Variants in PHAX observed in about 807,000 individuals in gnomAD.
The protein encoded by PHAX is phosphorylated adapter RNA export protein.
In PHAX, 31 loss-of-function variants were observed where a neutral mutation model predicts 41.6. The ratio of observed to expected loss-of-function variants is 0.75; its 90% CI spans 0.56 to 1.01. The LOEUF (loss-of-function observed/expected upper bound fraction) is 1.01, where lower values mean the gene tolerates loss of function less well. Among genes scored for constraint, PHAX ranks in the 50% least tolerant of loss-of-function variants. The pLI is 0.00. For synonymous variants in PHAX, 175 were observed against 164.9 expected (o/e 1.06, Z -0.47); for missense variants, 453 against 472.9 (o/e 0.96, Z 0.39).
intron 4 of PHAX, among the ~76,000 whole-genome samples, chr5:126,623,220 C>T (rs1471528623): frequency 6.6e-6 from 1 of 151,928 alleles, no homozygotes; most frequent in Non-Finnish European, 1.5e-5. Flanking sequence ...TCCAGGAATT[C>T]GAGGCTGCAG....
At chr5:126,610,218 T>C (rs1439548626) in intron 3 of PHAX, among the ~76,000 whole-genome samples, 1 of 152,230 alleles carries the variant, frequency 6.6e-6, no homozygotes, top group African/African-American at 2.4e-5. Context: ...TGTTTCAGAA[T>C]GACAGAAAGA....
intron 4 of PHAX, among the ~76,000 whole-genome samples, chr5:126,623,063 T>C (rs986332951): frequency 6.6e-6 from 1 of 151,684 alleles, no homozygotes; most frequent in Admixed American, 6.6e-5. Flanking sequence ...GAAATGGAGA[T>C]TGCAGTGAGC....
chr5:126,617,441 T>C lies in PHAX; in HGVS notation c.915+108T>C, dbSNP rs997623897. 63 of 599,708 alleles carry C rather than the reference T, an allele frequency of 1.1e-4. No homozygotes were observed. In the African/African-American group the frequency reaches 1.1e-3, roughly 11 times the overall value. 37.1% of individuals were successfully genotyped at this position (599,708 alleles called of 1,614,324 possible). On this transcript the variant is annotated intron_variant, in intron 4 of 4. Transcript: ENST00000297540. The stretch of plus-strand genomic sequence containing the variant: ...ATTACCTGTTCTGCCTTCAGTGGAC[T>C]GATTTTGTTATTATCTTAAGTAACA...
intron 2 of PHAX, 91 bp downstream of exon 2, chr5:126,604,274 CTTTTTTTTTT>C (rs57270218): frequency 3.3e-5 from 21 of 645,878 alleles, no homozygotes; most frequent in Admixed American, 4.9e-5. Context: ...TGATATGTTC[CTTTTTTTTTT>C]TTTTTTTTTG....
chr5:126,602,231 G>C (rs541314963), intron 1 of PHAX, among the ~76,000 whole-genome samples: 50 of 152,204 alleles, frequency 3.3e-4, no homozygotes, highest in African/African-American at 1.1e-3. Flanking sequence ...ACAGGCGCGA[G>C]CCACCGCGCC....
intron 2 of PHAX, among the ~76,000 whole-genome samples, chr5:126,607,388 C>CTTTTTTTTTTTTTTTTTTTTTTTTTT (rs58375322): frequency 1.2e-5 from 1 of 85,404 alleles, no homozygotes; most frequent in African/African-American, 5.0e-5. Flanking sequence ...GGTCTGAATT[C>CTTTTTTTTTTTTTTTTTTTTTTTTTT]TTTTTTTTTT....
chr5:126,615,970 A>G (rs957283740), intron 3 of PHAX, among the ~76,000 whole-genome samples: 1 of 151,572 alleles, frequency 6.6e-6, no homozygotes, highest in African/African-American at 2.4e-5. Context: ...CCTTTGGAAT[A>G]TATCTTGGTA....
chr5:126,602,719 C>T (rs374448855), intron 1 of PHAX, among the ~76,000 whole-genome samples: 1 of 152,090 alleles, frequency 6.6e-6, no homozygotes, highest in Non-Finnish European at 1.5e-5. Flanking sequence ...AAATATCTTG[C>T]CCAGGCTGGG....
chr5:126,601,259 C>CCGAGGGG (rs961639450), intron 1 of PHAX, among the ~76,000 whole-genome samples: 1 of 151,992 alleles, frequency 6.6e-6, no homozygotes, highest in Non-Finnish European at 1.5e-5. Context: ...GCTGCGGGGG[C>CCGAGGGG]CGAGGGGCGA....
chr5:126,610,683 G>A lies in PHAX; in HGVS notation c.831+2199G>A, dbSNP rs78876652. ...ATGCAGATTTACTGAATATTGGGAA[G>A]ATGCAAGTTCAAATTTACTTTCTTA... On this transcript the variant is annotated intron_variant, in intron 3 of 4. Transcript: ENST00000297540. Among the ~76,000 whole-genome samples, 326 of 152,246 alleles carry A rather than the reference G, an allele frequency of 2.1e-3. 8 individuals are homozygous for A. The East Asian group carries it at 0.06, about 28-fold the overall frequency.
At chr5:126,613,233 C>A (rs1752133401) in intron 3 of PHAX, among the ~76,000 whole-genome samples, 1 of 152,066 alleles carries the variant, frequency 6.6e-6, no homozygotes, top group African/African-American at 2.4e-5. Context: ...CCTGTAATCA[C>A]AGGTGCTCGG....
At chr5:126,621,534 A>C (rs1752272112) in intron 4 of PHAX, among the ~76,000 whole-genome samples, 1 of 151,720 alleles carries the variant, frequency 6.6e-6, no homozygotes, top group South Asian at 2.1e-4. Flanking sequence ...CACCTAAATG[A>C]TGATGTTATA....
intron 3 of PHAX, 64 bp downstream of exon 3, chr5:126,608,548 A>G: frequency 7.3e-7 from 1 of 1,369,542 alleles, no homozygotes; most frequent in South Asian, 1.2e-5. Flanking sequence ...TTTGATTACA[A>G]ATTTAACTTT....
chr5:126,611,504 G>A (rs962516148), intron 3 of PHAX, among the ~76,000 whole-genome samples: 2 of 152,116 alleles, frequency 1.3e-5, no homozygotes, highest in African/African-American at 4.8e-5. Context: ...ATGTTAAAAA[G>A]TGATACATTG....
intron 3 of PHAX, among the ~76,000 whole-genome samples, chr5:126,616,173 A>G (rs776844682): frequency 2.0e-5 from 3 of 151,094 alleles, no homozygotes; most frequent in Non-Finnish European, 4.4e-5. Flanking sequence ...GTTCACTGCA[A>G]CCTCCACCTC....
In PHAX at chr5:126,625,122, A is replaced by G. The variant is rs1275761431; in HGVS notation, c.*278A>G. On this transcript the variant is annotated 3_prime_UTR_variant, in exon 5 of 5. Transcript: ENST00000297540. ...TACTAGTTGATAATCAGTTTTGTCTAGGTCATAACATACCATTTGTAAGTT... is the reference window on the plus strand; with the variant it reads ...TACTAGTTGATAATCAGTTTTGTCTGGGTCATAACATACCATTTGTAAGTT... The G allele has an allele frequency of 6.2e-6, 2 of 321,368 alleles. No individual in the cohort carries two copies. Among genetic ancestry groups the G allele is most frequent in the Non-Finnish European group, 1.1e-5 (2 of 177,562 alleles). 19.9% of individuals were successfully genotyped at this position (321,368 alleles called of 1,614,324 possible). A position where few individuals can be genotyped will look rare whatever the true frequency, so the allele number is the denominator to read the frequency against.
intron 3 of PHAX, among the ~76,000 whole-genome samples, chr5:126,611,116 C>T (rs1354080622): frequency 2.7e-5 from 4 of 149,806 alleles, no homozygotes; most frequent in African/African-American, 1.0e-4. Context: ...AGTCCAATGG[C>T]GCAATCTTGG....
In PHAX at chr5:126,604,099, A is replaced by G. The variant is rs1318985139; in HGVS notation, c.626A>G (p.Asn209Ser). 1 of 1,612,298 alleles carries G rather than the reference A, an allele frequency of 6.2e-7. No individual in the cohort carries two copies. Among genetic ancestry groups the G allele is most frequent in the Admixed American group, 1.7e-5 (1 of 59,368 alleles). ...CGACCTGTCAAAGACAGGCTAGGGA[A>G]CAGACCAGAAATGAACTATAAAGGT... Reference protein sequence around the residue: ...RKRPVKDRLGNRPEMNYKGRY... With the variant: ...RKRPVKDRLGSRPEMNYKGRY... Residue 209 changes from asparagine to serine, a missense_variant, in exon 2 of 5, where the codon AAC becomes AGC. By Grantham distance (46) the Asn-to-Ser change is conservative (BLOSUM62 1). Coordinates refer to ENST00000297540, the MANE Select transcript of PHAX (RefSeq NM_032177.4).
intron 3 of PHAX, among the ~76,000 whole-genome samples, chr5:126,611,425 G>C (rs1394109498): frequency 1.3e-5 from 2 of 152,160 alleles, no homozygotes; most frequent in African/African-American, 2.4e-5. Context: ...CACTGTTCTA[G>C]AGGAGGGAGC....
Sources: gnomAD v4.1 joint callset for allele counts (sites outside exome capture counted in the v4.1 genomes callset) on GRCh38, gnomAD v4.1.1 for gene constraint, MANE v1.5 for transcripts, NCBI Gene and HGNC (gene_info 2026-07-23, HGNC 2026-07-21) for gene names.